Variants in PRELID2 observed in about 807,000 individuals in gnomAD.
PRELID2 encodes the protein PRELI domain containing 2.
In PRELID2, 25 loss-of-function variants were observed where a neutral mutation model predicts 28.4. That is an observed-to-expected ratio of 0.88 (90% CI 0.64 to 1.23). The LOEUF (loss-of-function observed/expected upper bound fraction) is 1.23, where lower values mean the gene tolerates loss of function less well. Among genes scored for constraint, PRELID2 ranks in the 50% most tolerant of loss-of-function variants. PRELID2 has a pLI of 0.00. For synonymous variants in PRELID2, 76 were observed against 71.6 expected, an observed-to-expected ratio of 1.06 and a Z score of -0.31; for missense variants, 201 against 214.4, an observed-to-expected ratio of 0.94 and a Z score of 0.39.
chr5:145,254,923 A>C, the PRELID2 span, among the ~76,000 whole-genome samples: 1 of 151,792 alleles, frequency 6.6e-6, no homozygotes, highest in East Asian at 1.9e-4. Context: ...AATTAAAAAA[A>C]AAAAAAAATG....
At chr5:145,629,330 A>C (rs1261334509) in intron 1 of PRELID2, among the ~76,000 whole-genome samples, 2 of 152,200 alleles carry the variant, frequency 1.3e-5, no homozygotes, top group African/African-American at 4.8e-5. Flanking sequence ...GCCCAAAGGC[A>C]GTTTCGTTCA....
chr5:145,814,844 ACT>A (rs1167324230), intron 4 of PRELID2, among the ~76,000 whole-genome samples: 11 of 152,188 alleles, frequency 7.2e-5, no homozygotes, highest in Admixed American at 7.2e-4. Context: ...CACCCATTAT[ACT>A]GGCAAAAGTT....
intron 1 of PRELID2, among the ~76,000 whole-genome samples, chr5:145,591,345 A>C (rs1327438633): frequency 6.6e-6 from 1 of 152,116 alleles, no homozygotes; most frequent in Non-Finnish European, 1.5e-5. Flanking sequence ...ATAACATCAC[A>C]TTGAGCACTG....
intron 1 of PRELID2, among the ~76,000 whole-genome samples, chr5:145,478,624 T>C (rs1430032845): frequency 2.6e-5 from 4 of 152,174 alleles, no homozygotes; most frequent in Non-Finnish European, 5.9e-5. Context: ...ATTGAAATGA[T>C]AGTTTCTGGG....
At chr5:145,819,843 A>T (rs949682052) in intron 3 of PRELID2, 102 bp downstream of exon 3, 2 of 792,624 alleles carry the variant, frequency 2.5e-6, no homozygotes, top group African/African-American at 3.7e-5. Context: ...AAGGAGTAGG[A>T]AGTTTCTAAC....
At chr5:145,722,796 G>T (rs141505038) in intron 1 of PRELID2, among the ~76,000 whole-genome samples, 2,941 of 152,050 alleles carry the variant, frequency 0.019, 68 homozygotes, top group East Asian at 0.075. Flanking sequence ...CACCACACCC[G>T]GCCCCAAATT....
chr5:145,600,423 A>G (rs1347630886), intron 1 of PRELID2, among the ~76,000 whole-genome samples: 4 of 117,156 alleles, frequency 3.4e-5, no homozygotes, highest in African/African-American at 6.7e-5. Context: ...AGGGGGGGAA[A>G]AAAAAAAAAA....
chr5:145,578,420 G>A (rs186585954), intron 1 of PRELID2, among the ~76,000 whole-genome samples: 12 of 152,208 alleles, frequency 7.9e-5, no homozygotes, highest in Admixed American at 5.9e-4. Flanking sequence ...TTTCAGGCAT[G>A]CTCAGATATG....
At chr5:145,697,072 T>TAA (rs1280033754) in intron 1 of PRELID2, among the ~76,000 whole-genome samples, 1 of 117,998 alleles carries the variant, frequency 8.5e-6, no homozygotes, top group African/African-American at 4.6e-5. Flanking sequence ...TATATATATA[T>TAA]ATATATATAC....
chr5:145,736,704 TC>T (rs958800977), intron 1 of PRELID2, among the ~76,000 whole-genome samples: 5 of 152,252 alleles, frequency 3.3e-5, no homozygotes, highest in Admixed American at 6.5e-5. Context: ...GGAAGGTAAT[TC>T]CCCCAAAAAA....
the PRELID2 span, among the ~76,000 whole-genome samples, chr5:145,427,442 A>G: frequency 7.9e-5 from 12 of 152,288 alleles, no homozygotes; most frequent in East Asian, 1.9e-4. Context: ...CTAAAATTGG[A>G]TTTGAAAGAT....
chr5:145,472,562 T>C (rs531045275), intron 2 of PRELID2, among the ~76,000 whole-genome samples: 31 of 152,250 alleles, frequency 2.0e-4, no homozygotes, highest in African/African-American at 7.2e-4. Context: ...TAAATCTTTA[T>C]CCACAAATTA....
chr5:145,427,636 A>G, the PRELID2 span, among the ~76,000 whole-genome samples: 3 of 152,166 alleles, frequency 2.0e-5, no homozygotes, highest in East Asian at 1.9e-4. Context: ...TATACTGACA[A>G]AAGGAACGAA....
At chr5:145,448,343 T>G in the PRELID2 span, among the ~76,000 whole-genome samples, 2 of 152,024 alleles carry the variant, frequency 1.3e-5, no homozygotes, top group Non-Finnish European at 2.9e-5. Flanking sequence ...TGTAAATTTG[T>G]TTGAGTTCAT....
the PRELID2 span, among the ~76,000 whole-genome samples, chr5:145,449,562 A>T: frequency 6.6e-6 from 1 of 152,020 alleles, no homozygotes; most frequent in Non-Finnish European, 1.5e-5. Flanking sequence ...GGTGGGCCAA[A>T]ATGCAACTTT....
intron 5 of PRELID2, among the ~76,000 whole-genome samples, chr5:145,792,304 C>T (rs747459228): frequency 9.2e-5 from 14 of 152,150 alleles, no homozygotes; most frequent in Non-Finnish European, 1.9e-4. Context: ...TTTCCCTATG[C>T]ATAAAATGAA....
chr5:145,286,707 TTTTTGTTTGTTTGTTTG>T, the PRELID2 span, among the ~76,000 whole-genome samples: 111 of 96,034 alleles, frequency 1.2e-3, no homozygotes, highest in African/African-American at 4.6e-3. Context: ...TTTTTGTTTT[TTTTTGTTTGTTTGTTTG>T]TTTTTTTTTT....
intron 1 of PRELID2, among the ~76,000 whole-genome samples, chr5:145,542,840 T>G (rs1408566128): frequency 6.6e-6 from 1 of 151,892 alleles, no homozygotes; most frequent in Non-Finnish European, 1.5e-5. Flanking sequence ...CTATTATACA[T>G]GGTACGCTTT....
chr5:145,821,152 G>GTGTGTGTGTGTGTGTGTGTGTGTGTGTGT (rs1754761991), intron 2 of PRELID2, among the ~76,000 whole-genome samples: 1 of 88,190 alleles, frequency 1.1e-5, no homozygotes, highest in Non-Finnish European at 2.5e-5. Context: ...AACTCTCCTG[G>GTGTGTGTGTGTGTGTGTGTGTGTGTGTGT]GTGTGTGTGT....
Sources: allele counts gnomAD v4.1 joint callset (sites outside exome capture counted in the v4.1 genomes callset), GRCh38; gene constraint gnomAD v4.1.1; transcripts MANE v1.5; gene names NCBI Gene and HGNC (gene_info 2026-07-23, HGNC 2026-07-21).